The following ATP8B4 variants were observed in gnomAD, a reference collection of about 807,000 sequenced individuals.
The protein encoded by ATP8B4 is ATPase phospholipid transporting 8B4 (putative), also known as probable phospholipid-transporting ATPase IM.
ATP8B4 carries 133 observed loss-of-function variants against 145.6 expected under a neutral mutation model. That is an observed-to-expected ratio of 0.91 (90% confidence interval 0.79 to 1.05). ATP8B4 has a LOEUF of 1.05. Among genes scored for constraint, ATP8B4 ranks in the 50% least tolerant of loss-of-function variants. ATP8B4 has a pLI of 0.00. For synonymous variants in ATP8B4, 507 were observed against 492.9 expected, an observed-to-expected ratio of 1.03 and a Z score of -0.38; for missense variants, 1,458 against 1,425.2, an observed-to-expected ratio of 1.02 and a Z score of -0.37.
At chr15:50,056,998 T>C (rs2052658950) in intron 3 of ATP8B4, among the ~76,000 whole-genome samples, 1 of 152,118 alleles carries the variant, frequency 6.6e-6, no homozygotes, top group South Asian at 2.1e-4. Context: ...AGAACTGGGA[T>C]TACAGGTATG....
intron 1 of ATP8B4, among the ~76,000 whole-genome samples, chr15:50,153,617 A>T (rs796600069): frequency 2.0e-5 from 3 of 148,794 alleles, no homozygotes; most frequent in Non-Finnish European, 3.0e-5. Flanking sequence ...GATTACAGGC[A>T]TGAGCCACTG....
intron 3 of ATP8B4, among the ~76,000 whole-genome samples, chr15:50,065,953 T>C (rs1475474520): frequency 6.6e-6 from 1 of 150,974 alleles, no homozygotes; most frequent in Non-Finnish European, 1.5e-5. Context: ...ATTCTTTAAT[T>C]ACTTTAATAT....
At chr15:50,131,126 G>A (rs947401313) in intron 1 of ATP8B4, among the ~76,000 whole-genome samples, 1 of 152,132 alleles carries the variant, frequency 6.6e-6, no homozygotes, top group African/African-American at 2.4e-5. Context: ...AACAGCATGG[G>A]GGAAACTGCC....
intron 8 of ATP8B4, among the ~76,000 whole-genome samples, chr15:49,996,965 G>A (rs1371866897): frequency 2.0e-5 from 3 of 152,068 alleles, no homozygotes; most frequent in Admixed American, 2.0e-4. Flanking sequence ...TCTACCCACG[G>A]CACATCTTTA....
intron 23 of ATP8B4, among the ~76,000 whole-genome samples, chr15:49,891,517 A>T (rs1009274881): frequency 6.6e-6 from 1 of 151,986 alleles, no homozygotes; most frequent in Non-Finnish European, 1.5e-5. Flanking sequence ...GTAGAGACGA[A>T]GTTTTACTAC....
intron 4 of ATP8B4, among the ~76,000 whole-genome samples, chr15:50,045,531 T>C (rs1390716485): frequency 6.6e-6 from 1 of 152,106 alleles, no homozygotes; most frequent in Non-Finnish European, 1.5e-5. Context: ...GTAGAGACGG[T>C]CAGTGGCTAA....
intron 2 of ATP8B4, among the ~76,000 whole-genome samples, chr15:50,080,896 G>T (rs2054504736): frequency 6.6e-6 from 1 of 152,084 alleles, no homozygotes; most frequent in Admixed American, 6.5e-5. Context: ...GGCGGATCAT[G>T]ATGTCAGGAG....
intron 6 of ATP8B4, among the ~76,000 whole-genome samples, chr15:50,015,261 A>T (rs2049003668): frequency 6.6e-6 from 1 of 152,232 alleles, no homozygotes; most frequent in Admixed American, 6.5e-5. Context: ...TGAAGAGGGA[A>T]ATTGGGATGG....
At chr15:49,966,629 T>C (rs187062515) in intron 13 of ATP8B4, among the ~76,000 whole-genome samples, 18 of 152,308 alleles carry the variant, frequency 1.2e-4, no homozygotes, top group African/African-American at 3.8e-4. Context: ...CAGGGGCTTA[T>C]AGATAAAACT....
intron 4 of ATP8B4, 125 bp from the exon 5 acceptor site, chr15:50,044,817 T>C (rs531044787): frequency 1.7e-6 from 1 of 598,772 alleles, no homozygotes; most frequent in Admixed American, 3.4e-5. Flanking sequence ...AGAATGACTT[T>C]CAATAATTTA....
At chr15:50,133,212 A>T (rs1009704353) in intron 1 of ATP8B4, among the ~76,000 whole-genome samples, 5 of 152,248 alleles carry the variant, frequency 3.3e-5, no homozygotes, top group Non-Finnish European at 7.3e-5. Context: ...CCTGGAAGAC[A>T]TTATGCTAGG....
intron 1 of ATP8B4, among the ~76,000 whole-genome samples, chr15:50,116,502 A>C (rs1027967528): frequency 1.3e-5 from 2 of 152,190 alleles, no homozygotes; most frequent in African/African-American, 2.4e-5. Flanking sequence ...AAACATCCTC[A>C]CAGCACTAAA....
intron 1 of ATP8B4, among the ~76,000 whole-genome samples, chr15:50,115,413 G>A (rs2057134278): frequency 6.6e-6 from 1 of 152,050 alleles, no homozygotes; most frequent in Admixed American, 6.5e-5. Context: ...GGAGAACTAT[G>A]GAGGCAGAGG....
rs529364514 is a variant in ATP8B4 at position 50,164,504 on chromosome 15, A to C, written c.-43+17757T>G. On this transcript the variant is annotated intron_variant, in intron 1 of 3. Transcript: ENST00000558829. ...CACTGTGGCTGAGCTGGTAAGATGA[A>C]GTCTTCTTTACTCTCCCCTCTTCTC... Among the ~76,000 whole-genome samples, 62 of 152,252 alleles carry C rather than the reference A, an allele frequency of 4.1e-4. 1 individual carries two copies. The highest frequency in any genetic ancestry group is 1.5e-3 in the African/African-American group (62 of 41,546).
At position 49,981,304 on chromosome 15, in the gene ATP8B4, C is replaced by CA. The variant is rs754303888; in HGVS notation, c.749-11dup. 6.5e-5 allele frequency: 102 copies of CA among 1,564,790 alleles called. No individual in the cohort carries two copies. Among genetic ancestry groups the CA allele is most frequent in the Admixed American group, 2.2e-4 (12 of 55,544 alleles). ...AGTTTAGTGTCAGGACCTGCAAAAACAAAAAAAAGTAAATAACTTTGAAAT... is the reference window on the plus strand; with the variant it reads ...AGTTTAGTGTCAGGACCTGCAAAAACAAAAAAAAAGTAAATAACTTTGAAAT... On this transcript the variant is annotated splice_polypyrimidine_tract_variant and intron_variant, in intron 10 of 27. Transcript: ENST00000284509.
chr15:49,900,288 G>A (rs1431021064), intron 21 of ATP8B4, among the ~76,000 whole-genome samples: 4 of 152,218 alleles, frequency 2.6e-5, no homozygotes, highest in South Asian at 2.1e-4. Flanking sequence ...TGATCGCAAG[G>A]GAGAAAACAC....
In ATP8B4 at chr15:49,979,776, G is replaced by A; in HGVS notation, c.875C>T (p.Ala292Val). ...GFLICLGIILAIGNSIWESQT... is the reference protein window; with the variant it reads ...GFLICLGIILVIGNSIWESQT... ...ACTCTCCCAGATTGAATTTCCTATT[G>A]CAAGAATAATTCCCAAGCATATCAG... Residue 292 changes from alanine (A) to valine (V), a missense_variant, in exon 12 of 28, where the codon GCA becomes GTA. Ala to Val is a moderately conservative substitution (Grantham distance 64). Transcript: ENST00000284509. 6.2e-7 allele frequency: 1 copy of A among 1,606,472 alleles called. No homozygotes were observed.
chr15:50,033,874 T>G (rs1437113752), intron 6 of ATP8B4, among the ~76,000 whole-genome samples: 1 of 152,236 alleles, frequency 6.6e-6, no homozygotes, highest in African/African-American at 2.4e-5. Flanking sequence ...GCATCCGTGT[T>G]GCTGCAGAGA....
chr15:50,085,118 C>T (rs4775850), intron 2 of ATP8B4, among the ~76,000 whole-genome samples: 2 of 152,154 alleles, frequency 1.3e-5, no homozygotes, highest in African/African-American at 2.4e-5. Flanking sequence ...AGGGCCCTGC[C>T]TAATCTTTAC....
Sources: allele counts gnomAD v4.1 joint callset (sites outside exome capture counted in the v4.1 genomes callset), GRCh38; gene constraint gnomAD v4.1.1; transcripts MANE v1.5; gene names NCBI Gene and HGNC (gene_info 2026-07-23, HGNC 2026-07-21).